Variants in NRG3 observed in about 807,000 individuals in gnomAD.
NRG3 encodes neuregulin 3, also known as pro-neuregulin-3, membrane-bound isoform.
Under a neutral mutation model 66.9 loss-of-function variants are expected in NRG3, and 31 were observed. The observed-to-expected ratio is 0.46, with a 90% CI of 0.35 to 0.63. The LOEUF is 0.63. Ranked by LOEUF, NRG3 falls within the 20% of genes least tolerant of loss-of-function variation. The pLI is 0.00. For synonymous variants in NRG3, 393 were observed against 359.4 expected (o/e 1.09, Z -1.06); for missense variants, 910 against 878.9 (o/e 1.04, Z -0.45).
At chr10:82,192,517 C>G (rs1211816454) in intron 1 of NRG3, among the ~76,000 whole-genome samples, 1 of 152,020 alleles carries the variant, frequency 6.6e-6, no homozygotes, top group Admixed American at 6.6e-5. Context: ...CCTAACAGCC[C>G]TAAATTGAGC....
chr10:82,486,419 AT>A (rs138794119), intron 2 of NRG3, among the ~76,000 whole-genome samples: 160 of 146,818 alleles, frequency 1.1e-3, no homozygotes, highest in Middle Eastern at 3.6e-3. Context: ...CCTATAATGG[AT>A]TTTTTTTTTT....
intron 3 of NRG3, among the ~76,000 whole-genome samples, chr10:82,819,982 A>C (rs1272956349): frequency 6.6e-6 from 1 of 152,216 alleles, no homozygotes. Context: ...ACAGCACTGA[A>C]CCTTGAAAGA....
intron 2 of NRG3, among the ~76,000 whole-genome samples, chr10:82,374,305 G>A (rs1264595226): frequency 6.6e-6 from 1 of 152,146 alleles, no homozygotes; most frequent in Non-Finnish European, 1.5e-5. Context: ...ACTCCCAGAG[G>A]GAAGGTCGCT....
intron 1 of NRG3, among the ~76,000 whole-genome samples, chr10:81,922,985 A>G (rs915446083): frequency 2.2e-4 from 34 of 152,192 alleles, no homozygotes; most frequent in Non-Finnish European, 1.5e-5. Flanking sequence ...AGTTTCTAAA[A>G]ATGAAATCAC....
chr10:82,093,364 C>G (rs1247660039), intron 1 of NRG3, among the ~76,000 whole-genome samples: 1 of 151,678 alleles, frequency 6.6e-6, no homozygotes, highest in African/African-American at 2.4e-5. Flanking sequence ...CATTTTGTAC[C>G]CTTCTACCAT....
intron 1 of NRG3, among the ~76,000 whole-genome samples, chr10:82,294,463 G>C (rs1589622149): frequency 7.2e-6 from 1 of 138,478 alleles, no homozygotes; most frequent in Non-Finnish European, 1.6e-5. Context: ...GTGTGTGTGT[G>C]TATGTGTGTG....
At chr10:82,738,864 A>G (rs1202708560) in intron 3 of NRG3, among the ~76,000 whole-genome samples, 1 of 152,094 alleles carries the variant, frequency 6.6e-6, no homozygotes, top group African/African-American at 2.4e-5. Flanking sequence ...TCCGGATTCC[A>G]CCTTGAACCC....
chr10:81,892,858 G>T (rs1305515362), intron 1 of NRG3, among the ~76,000 whole-genome samples: 1 of 152,188 alleles, frequency 6.6e-6, no homozygotes, highest in African/African-American at 2.4e-5. Flanking sequence ...AATGCTTGAG[G>T]TGATGGATAC....
At chr10:82,563,245 AT>A (rs1405034130) in intron 2 of NRG3, among the ~76,000 whole-genome samples, 7 of 152,002 alleles carry the variant, frequency 4.6e-5, no homozygotes, top group Non-Finnish European at 7.4e-5. Context: ...TTCATTTTAC[AT>A]TTTTTTCACA....
chr10:82,711,373 C>G (rs2056655556), intron 2 of NRG3, among the ~76,000 whole-genome samples: 1 of 152,098 alleles, frequency 6.6e-6, no homozygotes, highest in Non-Finnish European at 1.5e-5. Flanking sequence ...ATGCATGAGC[C>G]ACTATGCCTG....
intron 2 of NRG3, among the ~76,000 whole-genome samples, chr10:82,410,452 T>C (rs199708628): frequency 0.018 from 1,027 of 57,978 alleles, 40 homozygotes; most frequent in Admixed American, 0.13. Context: ...CATATATACA[T>C]ATATATATAT....
chr10:82,634,568 G>A (rs1399745403), intron 2 of NRG3, among the ~76,000 whole-genome samples: 1 of 152,118 alleles, frequency 6.6e-6, no homozygotes, highest in Non-Finnish European at 1.5e-5. Flanking sequence ...AATAGACCCA[G>A]AAGAGAGCCA....
chr10:82,807,801 T>C (rs1006181035), intron 3 of NRG3, among the ~76,000 whole-genome samples: 7 of 152,214 alleles, frequency 4.6e-5, no homozygotes, highest in Non-Finnish European at 7.4e-5. Flanking sequence ...TCTTCTCTTA[T>C]ATGGCTGCAA....
At chr10:82,762,295 G>T (rs978944156) in intron 3 of NRG3, among the ~76,000 whole-genome samples, 6 of 151,740 alleles carry the variant, frequency 4.0e-5, no homozygotes, top group African/African-American at 1.5e-4. Context: ...GCCACAAATA[G>T]AAATTTTCCA....
chr10:82,421,663 C>G (rs1368070847), intron 2 of NRG3, among the ~76,000 whole-genome samples: 1 of 151,882 alleles, frequency 6.6e-6, no homozygotes, highest in Admixed American at 6.6e-5. Flanking sequence ...TTATTTTTTT[C>G]TTTTCGTGGC....
intron 4 of NRG3, among the ~76,000 whole-genome samples, chr10:82,941,831 A>G (rs1188812085): frequency 6.6e-6 from 1 of 152,152 alleles, no homozygotes; most frequent in Non-Finnish European, 1.5e-5. Context: ...GAATACTTGG[A>G]TAGAAAGGAG....
At chr10:82,294,797 T>A (rs968391807) in intron 1 of NRG3, among the ~76,000 whole-genome samples, 11 of 152,198 alleles carry the variant, frequency 7.2e-5, no homozygotes, top group Admixed American at 5.9e-4. Context: ...TAATTTCTGC[T>A]GTTTCATGTA....
chr10:82,316,021 A>C (rs17099777), intron 1 of NRG3, among the ~76,000 whole-genome samples: 36,500 of 151,920 alleles, frequency 0.24, 4,520 homozygotes, highest in East Asian at 0.29. Flanking sequence ...TAGCATAATT[A>C]TTCTAAGGAA....
At chr10:82,754,332 A>T (rs1272465580) in intron 3 of NRG3, among the ~76,000 whole-genome samples, 1 of 151,550 alleles carries the variant, frequency 6.6e-6, no homozygotes, top group Non-Finnish European at 1.5e-5. Context: ...AGGAGAGCAT[A>T]CCCTTCGTTA....
Sources: gnomAD v4.1 joint callset for allele counts (sites outside exome capture counted in the v4.1 genomes callset) on GRCh38, gnomAD v4.1.1 for gene constraint, MANE v1.5 for transcripts, NCBI Gene and HGNC (gene_info 2026-07-23, HGNC 2026-07-21) for gene names.